Variants in ANPEP observed in about 807,000 individuals in gnomAD.
The protein encoded by ANPEP is alanyl aminopeptidase, membrane, also known as aminopeptidase N.
ANPEP carries 70 observed loss-of-function variants against 114.6 expected under a neutral mutation model. That is an observed-to-expected ratio of 0.61 (90% CI 0.50 to 0.75). ANPEP has a LOEUF of 0.75. ANPEP is among the 30% of genes least tolerant of loss of function. The pLI is 0.00. For missense variants in ANPEP, 1,184 were observed against 1,259.5 expected, an observed-to-expected ratio of 0.94 and a Z score of 0.91; for synonymous variants, 548 against 522.3, an observed-to-expected ratio of 1.05 and a Z score of -0.67.
chr15:89,800,169 C>T (rs983576084), intron 12 of ANPEP, among the ~76,000 whole-genome samples: 3 of 152,140 alleles, frequency 2.0e-5, no homozygotes, highest in Non-Finnish European at 4.4e-5. Context: ...ACACTCAGTC[C>T]CCACACTCTC....
intron 1 of ANPEP, among the ~76,000 whole-genome samples, chr15:89,811,649 TAAAAAAA>T (rs754725578): frequency 9.9e-6 from 1 of 100,552 alleles, no homozygotes; most frequent in Non-Finnish European, 2.1e-5. Context: ...CCATCTCAAG[TAAAAAAA>T]AAAAAAAAAA....
In ANPEP at chr15:89,813,125, A is replaced by G. The variant is rs145215226; in HGVS notation, c.-224+1647T>C. ...TGGCTGCCAGCCTATGTGAATAAGG[A>G]CACCCCAGGGCCTCGGTGTGCGGCT... On this transcript the variant is annotated intron_variant, in intron 1 of 20. Transcript: ENST00000300060. Among the ~76,000 whole-genome samples the G allele has an allele frequency of 1.5e-3, 224 of 152,102 alleles. 1 individual carries two copies. The highest frequency in any genetic ancestry group is 5.2e-3 in the African/African-American group (216 of 41,496).
At position 89,808,508 on chromosome 15, in the gene ANPEP, G is replaced by A. The variant is rs116895281; in HGVS notation, c.-223-1702C>T. On this transcript the variant is annotated intron_variant, in intron 1 of 20. Coordinates refer to ENST00000300060, the MANE Select transcript of ANPEP (RefSeq NM_001150.3). Reference sequence around the variant, plus strand: ...CATTACTGAGATGTTGAGTGGATGCGCACATGCACGAAGGATTGAGTAAAT... The same window carrying A: ...CATTACTGAGATGTTGAGTGGATGCACACATGCACGAAGGATTGAGTAAAT... 4.6e-5 allele frequency among the ~76,000 whole-genome samples: 7 copies of A among 152,322 alleles called. No homozygotes were observed. In the East Asian group the frequency reaches 5.8e-4, roughly 13 times the overall value.
rs765440489 is a variant in ANPEP at position 89,804,572 on chromosome 15, C to T, written c.943G>A (p.Asp315Asn). ...RPSAIAAGHG[D>N]YALNVTGPIL... ...GGGCCCGTCACGTTCAGGGCATAAT[C>T]GCCGTGGCCCGCCGCAATGGCACTG... The change falls in exon 5 of 21, where the codon GAT becomes AAT. Residue 315 changes from aspartate (D) to asparagine (N), a missense_variant. Coordinates refer to ENST00000300060, the MANE Select transcript of ANPEP (RefSeq NM_001150.3). 1.1e-5 allele frequency: 17 copies of T among 1,613,962 alleles called. No individual in the cohort carries two copies. The highest frequency in any genetic ancestry group is 5.5e-5 in the South Asian group (5 of 91,082).
At chr15:89,788,995 T>G (rs927306306) in intron 20 of ANPEP, among the ~76,000 whole-genome samples, 1 of 151,896 alleles carries the variant, frequency 6.6e-6, no homozygotes, top group Non-Finnish European at 1.5e-5. Flanking sequence ...ATTTTTTTTT[T>G]TTGAGACAGA....
intron 15 of ANPEP, among the ~76,000 whole-genome samples, chr15:89,795,824 A>T (rs1307358085): frequency 6.6e-6 from 1 of 152,238 alleles, no homozygotes; most frequent in East Asian, 1.9e-4. Context: ...AATCCATGGG[A>T]TGCAGGAAAC....
At chr15:89,807,406 A>T (rs1266157350) in intron 1 of ANPEP, among the ~76,000 whole-genome samples, 3 of 152,242 alleles carry the variant, frequency 2.0e-5, no homozygotes, top group Non-Finnish European at 4.4e-5. Context: ...TAGAATGATT[A>T]AAAATCATTC....
intron 15 of ANPEP, chr15:89,797,329 AGCCTCCTCACTCACCTCCTCAGT>A (rs1466703331): frequency 4.5e-6 from 2 of 443,438 alleles, no homozygotes; most frequent in East Asian, 3.8e-5. Context: ...TGCCCCACGC[AGCCTCCTCACTCACCTCCTCAGT>A]GCCTGCTCAC....
Position 89,793,018 on chromosome 15 carries a change from T to C in ANPEP, c.2249+17A>G, listed in dbSNP as rs373667500. Reference sequence around the variant, plus strand: ...GGGGTGCCCAGGACTTCCAAACCCATGAGAGCTCCCACTCACTGGTCCATC... The same window carrying C: ...GGGGTGCCCAGGACTTCCAAACCCACGAGAGCTCCCACTCACTGGTCCATC... On this transcript the variant is annotated intron_variant, in intron 16 of 20. Coordinates refer to ENST00000300060, the MANE Select transcript of ANPEP (RefSeq NM_001150.3). 329 of 1,609,878 alleles carry C rather than the reference T, an allele frequency of 2.0e-4. No homozygotes were observed. Among genetic ancestry groups the C allele is most frequent in the Non-Finnish European group, 2.4e-4 (278 of 1,176,306 alleles).
At chr15:89,793,008 TC>T in intron 16 of ANPEP, 26 bp downstream of exon 16, 1 of 1,601,940 alleles carries the variant, frequency 6.2e-7, no homozygotes, top group Non-Finnish European at 8.6e-7. Flanking sequence ...GCCCAGGACT[TC>T]CAAACCCATG....
Position 89,790,649 on chromosome 15 carries a change from C to T in ANPEP, c.2670-108G>A, listed in dbSNP as rs544014752. ...TGATTATAGAGGAGATGAAATGACA[C>T]GCCCTGGGAGACCCCACTAGGATGT... On this transcript the variant is annotated intron_variant, in intron 19 of 20. Coordinates refer to ENST00000300060, the MANE Select transcript of ANPEP (RefSeq NM_001150.3). The T allele has an allele frequency of 8.8e-5, 91 of 1,033,746 alleles. No individual in the cohort carries two copies. The African/African-American group carries it at 1.1e-3, about 12-fold the overall frequency. The allele number at this position is 1,033,746 out of a possible 1,614,324, so 64.0% of individuals were successfully genotyped here.
chr15:89,799,611 C>A lies in ANPEP; in HGVS notation c.1820-52G>T. ...GGGCTGCTCAGAGGCCATGGGCTGACCCCTGGACCTCTTGCAAGAGCAGCT... is the reference window on the plus strand; with the variant it reads ...GGGCTGCTCAGAGGCCATGGGCTGAACCCTGGACCTCTTGCAAGAGCAGCT... On this transcript the variant is annotated intron_variant, in intron 12 of 20. Transcript: ENST00000300060. The surrounding 1 kb of genome is among the most constrained non-coding windows in gnomAD (Gnocchi z 4.2). 1 of 1,608,672 alleles carries A rather than the reference C, an allele frequency of 6.2e-7. No homozygotes were observed. The highest frequency in any genetic ancestry group is 8.5e-7 in the Non-Finnish European group (1 of 1,176,458).
intron 20 of ANPEP, among the ~76,000 whole-genome samples, chr15:89,787,014 C>T (rs1211239946): frequency 3.4e-5 from 5 of 148,456 alleles, no homozygotes; most frequent in East Asian, 2.0e-4. Flanking sequence ...CAAATGCCTA[C>T]GTTTGAGTGA....
chr15:89,794,985 C>T (rs945784516), intron 15 of ANPEP, among the ~76,000 whole-genome samples: 2 of 152,048 alleles, frequency 1.3e-5, no homozygotes, highest in Non-Finnish European at 2.9e-5. Flanking sequence ...ATGGAGCTTC[C>T]ACTTGCATTT....
chr15:89,801,601 T>A lies in ANPEP; in HGVS notation c.1576A>T (p.Asn526Tyr). Residue 526 changes from asparagine (N) to tyrosine (Y), a missense_variant, in exon 11 of 21, where the codon AAC (asparagine) becomes TAC (tyrosine). Asn to Tyr is a moderately radical substitution (Grantham distance 143). Transcript: ENST00000300060. ...NLWDHLQEAV[N>Y]NRSIQLPTTV... ...GTGGGGAGTTGGATGGACCGGTTGT[T>A]CACAGCCTGTGGGTGGAGCGAGAGG... 6.2e-7 allele frequency: 1 copy of A among 1,613,700 alleles called. No individual in the cohort carries two copies. Among genetic ancestry groups the A allele is most frequent in the South Asian group, 1.1e-5 (1 of 91,056 alleles).
At chr15:89,788,145 G>T (rs951796003) in intron 20 of ANPEP, among the ~76,000 whole-genome samples, 4 of 152,180 alleles carry the variant, frequency 2.6e-5, no homozygotes, top group African/African-American at 4.8e-5. Flanking sequence ...GTATACCCAA[G>T]ATAAATTAAA....
Position 89,799,202 on chromosome 15 carries a change from AC to A in ANPEP, c.2009+57del. 1 of 1,600,118 alleles carries A rather than the reference AC, an allele frequency of 6.2e-7. No individual in the cohort carries two copies. Among genetic ancestry groups the A allele is most frequent in the South Asian group, 1.1e-5 (1 of 90,654 alleles). On this transcript the variant is annotated intron_variant, in intron 14 of 20. Transcript: ENST00000300060. The surrounding 1 kb of genome is among the most constrained non-coding windows in gnomAD (Gnocchi z 4.2). ...GGAGGAGCAGGGGCCCTCATTGTGGACTCAGACTTGCTGAAGTCACGAGCTT... is the reference window on the plus strand; with the variant it reads ...GGAGGAGCAGGGGCCCTCATTGTGGATCAGACTTGCTGAAGTCACGAGCTT...
chr15:89,802,845 G>A, intron 10 of ANPEP: 1 of 266,128 alleles, frequency 3.8e-6, no homozygotes, highest in South Asian at 4.2e-5. Context: ...GGAGCTGTGT[G>A]CAGAGACATG....
intron 19 of ANPEP, 75 bp downstream of exon 19, chr15:89,790,878 C>T: frequency 1.3e-6 from 2 of 1,560,552 alleles, no homozygotes; most frequent in Non-Finnish European, 1.7e-6. Context: ...CCCGGCGTGT[C>T]TTACCCGCAC....
Sources: allele counts gnomAD v4.1 joint callset (sites outside exome capture counted in the v4.1 genomes callset), GRCh38; gene constraint gnomAD v4.1.1; non-coding constraint Gnocchi (gnomAD v3.1); transcripts MANE v1.5; gene names NCBI Gene and HGNC (gene_info 2026-07-23, HGNC 2026-07-21).